Variants in RPS6KA5 observed in about 807,000 individuals in gnomAD.
RPS6KA5 encodes the protein ribosomal protein S6 kinase alpha-5.
A neutral mutation model predicts 85.5 loss-of-function variants in RPS6KA5; 27 were observed. That is an observed-to-expected ratio of 0.32 (90% CI 0.23 to 0.44). The LOEUF is 0.44. Among genes scored for constraint, RPS6KA5 ranks in the 20% least tolerant of loss-of-function variants. The probability of loss-of-function intolerance (pLI) is 1.00; values close to 1 mark genes in which losing one functional copy is unlikely to be tolerated. For missense variants in RPS6KA5, 811 were observed against 980.9 expected, an observed-to-expected ratio of 0.83 and a Z score of 2.31; for synonymous variants, 334 against 348.2, an observed-to-expected ratio of 0.96 and a Z score of 0.46.
chr14:91,054,077 C>T (rs922249850), intron 1 of RPS6KA5, among the ~76,000 whole-genome samples: 1 of 152,120 alleles, frequency 6.6e-6, no homozygotes, highest in African/African-American at 2.4e-5. Context: ...GGTGCCAAGA[C>T]ATTAAAATGG....
chr14:90,995,166 C>T (rs1254758895), intron 2 of RPS6KA5, among the ~76,000 whole-genome samples: 1 of 152,030 alleles, frequency 6.6e-6, no homozygotes, highest in Admixed American at 6.6e-5. Context: ...GGTGGGATTA[C>T]AGGTGCCCGC....
intron 8 of RPS6KA5, among the ~76,000 whole-genome samples, chr14:90,904,848 C>T (rs1307872172): frequency 6.6e-6 from 1 of 152,080 alleles, no homozygotes. Context: ...AGAAATTTCT[C>T]TAATATGAAA....
intron 5 of RPS6KA5, among the ~76,000 whole-genome samples, chr14:90,933,805 C>G (rs895860776): frequency 3.9e-5 from 6 of 152,174 alleles, no homozygotes; most frequent in Non-Finnish European, 8.8e-5. Flanking sequence ...TTCTTTCCTA[C>G]TACTGTAACT....
intron 1 of RPS6KA5, among the ~76,000 whole-genome samples, chr14:91,014,140 T>C (rs978344777): frequency 7.2e-5 from 11 of 152,194 alleles, no homozygotes; most frequent in African/African-American, 2.7e-4. Flanking sequence ...CTTTATTGCA[T>C]GCAAATTATA....
chr14:90,930,539 G>A (rs2036918591), intron 5 of RPS6KA5, among the ~76,000 whole-genome samples: 1 of 151,996 alleles, frequency 6.6e-6, no homozygotes, highest in Non-Finnish European at 1.5e-5. Context: ...ATAGACAAAT[G>A]GGACTATATC....
intron 3 of RPS6KA5, among the ~76,000 whole-genome samples, chr14:90,948,142 T>A (rs956130293): frequency 1.3e-5 from 2 of 152,182 alleles, no homozygotes; most frequent in African/African-American, 4.8e-5. Context: ...TCTCTATTTA[T>A]CCCAAGGGGG....
At chr14:90,994,807 C>CGTGTA (rs2040451120) in intron 2 of RPS6KA5, among the ~76,000 whole-genome samples, 1 of 151,728 alleles carries the variant, frequency 6.6e-6, no homozygotes, top group Non-Finnish European at 1.5e-5. Flanking sequence ...CTCCTGACCT[C>CGTGTA]ATGATCCGCC....
chr14:90,886,346 T>C (rs1160160015), intron 14 of RPS6KA5, among the ~76,000 whole-genome samples: 1 of 152,204 alleles, frequency 6.6e-6, no homozygotes, highest in African/African-American at 2.4e-5. Context: ...ACAGGTATGT[T>C]ATATATCTTA....
In RPS6KA5 at chr14:90,902,976, CAAAG is replaced by C. The variant is rs765009831; in HGVS notation, c.958-11_958-8del. 9 of 1,605,892 alleles carry C rather than the reference CAAAG, an allele frequency of 5.6e-6. No homozygotes were observed. The highest frequency in any genetic ancestry group is 2.7e-5 in the African/African-American group (2 of 74,526). On this transcript the variant is annotated splice_region_variant and splice_polypyrimidine_tract_variant and intron_variant, in intron 8 of 16. Transcript: ENST00000614987. ...AATCATCCCAATTTATTTTCTAAAACAAAGAAAGTTGGTACAAAGTAGAAATCAA... is the reference window on the plus strand; with the variant it reads ...AATCATCCCAATTTATTTTCTAAAACAAAGTTGGTACAAAGTAGAAATCAA...
chr14:90,880,668 T>C (rs1295605086), intron 14 of RPS6KA5, among the ~76,000 whole-genome samples: 1 of 152,192 alleles, frequency 6.6e-6, no homozygotes, highest in East Asian at 1.9e-4. Context: ...CAATAATTAT[T>C]ACAGGACTGT....
intron 5 of RPS6KA5, among the ~76,000 whole-genome samples, chr14:90,940,943 G>A (rs934045935): frequency 5.3e-5 from 8 of 152,120 alleles, no homozygotes; most frequent in East Asian, 1.9e-4. Context: ...CCCGACCCTC[G>A]TCTTTGGGAA....
At chr14:91,016,088 A>G (rs1396049901) in intron 1 of RPS6KA5, among the ~76,000 whole-genome samples, 2 of 152,190 alleles carry the variant, frequency 1.3e-5, no homozygotes, top group Admixed American at 6.5e-5. Context: ...TCTCATTTCA[A>G]ACATGAAGTG....
chr14:90,992,617 C>T (rs76110515), intron 2 of RPS6KA5, among the ~76,000 whole-genome samples: 2,751 of 152,282 alleles, frequency 0.018, 64 homozygotes, highest in African/African-American at 0.064. Flanking sequence ...ATCAAGGTTA[C>T]ACTGGACTCA....
chr14:90,936,155 T>C (rs1378834372), intron 5 of RPS6KA5, among the ~76,000 whole-genome samples: 2 of 152,270 alleles, frequency 1.3e-5, no homozygotes, highest in Non-Finnish European at 2.9e-5. Flanking sequence ...TCGAATTTTC[T>C]GGTTGAGAAC....
At chr14:90,943,015 C>T (rs1019375683) in intron 5 of RPS6KA5, 63 bp downstream of exon 5, 89 of 943,012 alleles carry the variant, frequency 9.4e-5, no homozygotes, top group Middle Eastern at 8.4e-4. Flanking sequence ...GTTTATTCTA[C>T]GGCTAAGTTT....
intron 13 of RPS6KA5, 30 bp from the exon 14 acceptor site, chr14:90,890,708 C>A: frequency 6.4e-7 from 1 of 1,572,408 alleles, no homozygotes; most frequent in Non-Finnish European, 8.7e-7. Context: ...ACATTAGTTT[C>A]TCACTAGGCA....
intron 3 of RPS6KA5, among the ~76,000 whole-genome samples, chr14:90,976,486 C>G (rs1018116453): frequency 2.0e-5 from 3 of 152,120 alleles, no homozygotes; most frequent in Admixed American, 2.0e-4. Flanking sequence ...ACAAGCAGAG[C>G]TACTCCTTTC....
Position 91,059,979 on chromosome 14 carries a change from A to G in RPS6KA5, c.103+353T>C, listed in dbSNP as rs977034907. On this transcript the variant is annotated intron_variant, in intron 1 of 16. Coordinates refer to ENST00000614987, the MANE Select transcript of RPS6KA5 (RefSeq NM_004755.4). ...GCTCGCCCCACGCGGAGGCAGGCGC[A>G]CCTTTCGCCCTGACAGGACGCAGAC... 3.2e-6 allele frequency: 3 copies of G among 950,356 alleles called. No homozygotes were observed. The East Asian group carries it at 3.5e-4, about 110-fold the overall frequency. The allele number at this position is 950,356 out of a possible 1,614,324, so 58.9% of individuals were successfully genotyped here.
At chr14:90,885,765 A>AG (rs2034174712) in intron 14 of RPS6KA5, among the ~76,000 whole-genome samples, 5 of 143,394 alleles carry the variant, frequency 3.5e-5, no homozygotes, top group African/African-American at 5.1e-5. Context: ...AAAAAAAAAA[A>AG]AAAAAAAAGA....
Sources: gnomAD v4.1 joint callset for allele counts (sites outside exome capture counted in the v4.1 genomes callset) on GRCh38, gnomAD v4.1.1 for gene constraint, MANE v1.5 for transcripts, NCBI Gene and HGNC (gene_info 2026-07-23, HGNC 2026-07-21) for gene names.